AGBL4: variants seen among roughly 807,000 people sequenced by gnomAD.
The protein encoded by AGBL4 is cytosolic carboxypeptidase 6.
AGBL4 carries 58 observed loss-of-function variants against 66.4 expected under a neutral mutation model. The ratio of observed to expected loss-of-function variants is 0.87; its 90% CI spans 0.71 to 1.09. The LOEUF (loss-of-function observed/expected upper bound fraction) is 1.09, where lower values mean the gene tolerates loss of function less well. Among genes scored for constraint, AGBL4 ranks in the 50% least tolerant of loss-of-function variants. The pLI is 0.00. For synonymous variants in AGBL4, 234 were observed against 222.9 expected (o/e 1.05, Z -0.44); for missense variants, 579 against 631.0 (o/e 0.92, Z 0.88).
intron 1 of AGBL4, among the ~76,000 whole-genome samples, chr1:49,921,179 T>C (rs959250045): frequency 1.3e-5 from 2 of 151,966 alleles, no homozygotes; most frequent in East Asian, 3.9e-4. Context: ...ACATGGCACA[T>C]GTATACATAT....
intron 3 of AGBL4, among the ~76,000 whole-genome samples, chr1:49,622,607 C>T (rs112967719): frequency 1.9e-5 from 2 of 104,974 alleles, no homozygotes; most frequent in African/African-American, 3.8e-5. Flanking sequence ...CCAGCCTGGG[C>T]GACAGAGCGA....
intron 4 of AGBL4, among the ~76,000 whole-genome samples, chr1:49,080,094 G>A (rs1258002197): frequency 6.6e-6 from 1 of 152,090 alleles, no homozygotes; most frequent in Admixed American, 6.5e-5. Flanking sequence ...GAGATGATAG[G>A]ACTTGCCTAA....
rs577923595 is a variant in AGBL4, at chr1:49,816,263, T to G, written c.157+35133A>C. ...TAATACCATCATAATTAGAGTATGCTTTCAGGATTCAGAACTGGATCAGAA... is the reference window on the plus strand; with the variant it reads ...TAATACCATCATAATTAGAGTATGCGTTCAGGATTCAGAACTGGATCAGAA... On this transcript the variant is annotated intron_variant, in intron 2 of 13. Transcript: ENST00000371839. 2.0e-5 allele frequency among the ~76,000 whole-genome samples: 3 copies of G among 152,248 alleles called. No individual in the cohort carries two copies. In the South Asian group the frequency reaches 6.2e-4, roughly 32 times the overall value.
chr1:48,579,541 C>A (rs1354619841), intron 11 of AGBL4, among the ~76,000 whole-genome samples: 1 of 151,488 alleles, frequency 6.6e-6, no homozygotes, highest in South Asian at 2.1e-4. Context: ...GCGCCCAGCC[C>A]CATATTGTTT....
chr1:49,734,293 GAGAGAGAC>G (rs1451323748), intron 2 of AGBL4, among the ~76,000 whole-genome samples: 7 of 151,676 alleles, frequency 4.6e-5, no homozygotes, highest in African/African-American at 7.3e-5. Context: ...AGGGGAGAGA[GAGAGAGAC>G]AGAGAGACAG....
At chr1:49,944,929 T>A (rs1267895588) in intron 1 of AGBL4, among the ~76,000 whole-genome samples, 2 of 151,518 alleles carry the variant, frequency 1.3e-5, no homozygotes, top group Non-Finnish European at 2.9e-5. Flanking sequence ...CTCTAGAAAG[T>A]CTCAGCAATA....
At chr1:49,100,529 G>A (rs17105504) in intron 4 of AGBL4, among the ~76,000 whole-genome samples, 4,989 of 152,258 alleles carry the variant, frequency 0.033, 240 homozygotes, top group African/African-American at 0.1. Context: ...TGCATAAGAG[G>A]CATGAAGTTC....
chr1:49,472,949 T>C (rs1194995705), intron 3 of AGBL4, among the ~76,000 whole-genome samples: 1 of 152,060 alleles, frequency 6.6e-6, no homozygotes, highest in Admixed American at 6.6e-5. Context: ...ATTAATTCGC[T>C]TAGGATAGTG....
chr1:49,291,902 G>T (rs982982803), intron 3 of AGBL4, among the ~76,000 whole-genome samples: 10 of 152,204 alleles, frequency 6.6e-5, no homozygotes, highest in Admixed American at 6.5e-4. Context: ...CCAAGCCATC[G>T]ATATGGAACT....
chr1:49,667,476 G>A (rs1010586620), intron 3 of AGBL4, among the ~76,000 whole-genome samples: 29 of 151,748 alleles, frequency 1.9e-4, no homozygotes, highest in African/African-American at 7.0e-4. Flanking sequence ...AAATAAAAAA[G>A]CATGTAGATT....
intron 6 of AGBL4, among the ~76,000 whole-genome samples, chr1:48,861,448 T>C (rs1015588596): frequency 6.6e-6 from 1 of 152,030 alleles, no homozygotes; most frequent in Non-Finnish European, 1.5e-5. Flanking sequence ...TAAATTCACA[T>C]CTAGACCCAA....
intron 3 of AGBL4, among the ~76,000 whole-genome samples, chr1:49,391,728 A>AT (rs1246823268): frequency 4.0e-5 from 6 of 151,768 alleles, no homozygotes; most frequent in Non-Finnish European, 7.4e-5. Context: ...CACCCGGCTA[A>AT]TTTTTTGTAT....
chr1:48,549,409 G>A (rs956135010), intron 11 of AGBL4, among the ~76,000 whole-genome samples: 6 of 152,160 alleles, frequency 3.9e-5, no homozygotes, highest in African/African-American at 9.7e-5. Context: ...TCCCATTGCA[G>A]GCAAGTCCAG....
intron 2 of AGBL4, among the ~76,000 whole-genome samples, chr1:49,745,937 T>A (rs1249967863): frequency 6.6e-6 from 1 of 151,984 alleles, no homozygotes; most frequent in East Asian, 1.9e-4. Context: ...CACAATCAGT[T>A]CAGATGAACA....
intron 6 of AGBL4, among the ~76,000 whole-genome samples, chr1:48,811,472 A>G (rs189699950): frequency 1.2e-4 from 18 of 152,322 alleles, no homozygotes; most frequent in African/African-American, 4.3e-4. Flanking sequence ...TAACTGTTTC[A>G]AATTCAAATG....
intron 5 of AGBL4, among the ~76,000 whole-genome samples, chr1:48,958,503 C>G (rs1657684063): frequency 1.3e-5 from 2 of 152,176 alleles, no homozygotes; most frequent in Non-Finnish European, 2.9e-5. Flanking sequence ...TAGGGCTGCC[C>G]CATAAAAACC....
intron 4 of AGBL4, among the ~76,000 whole-genome samples, chr1:49,063,110 G>T (rs1009399141): frequency 2.0e-5 from 3 of 152,098 alleles, no homozygotes; most frequent in Admixed American, 6.5e-5. Context: ...CAGAAGTATA[G>T]GAGGCAAGGA....
At position 48,687,801 on chromosome 1, in the gene AGBL4, T is replaced by C. The variant is rs545434437; in HGVS notation, c.635-24560A>G. Among the ~76,000 whole-genome samples, 372 of 152,314 alleles carry C rather than the reference T, an allele frequency of 2.4e-3. 2 individuals are homozygous for C. Among genetic ancestry groups the C allele is most frequent in the African/African-American group, 8.7e-3 (361 of 41,570 alleles). On this transcript the variant is annotated intron_variant, in intron 6 of 13. Transcript: ENST00000371839. ...CTGGACCAGCACCCTCGGCTGGCACTCCTGCCTTCAGGTCCTGCTCCTGCA... is the reference window on the plus strand; with the variant it reads ...CTGGACCAGCACCCTCGGCTGGCACCCCTGCCTTCAGGTCCTGCTCCTGCA...
At chr1:48,971,071 G>T (rs1658862077) in intron 5 of AGBL4, among the ~76,000 whole-genome samples, 1 of 152,040 alleles carries the variant, frequency 6.6e-6, no homozygotes, top group South Asian at 2.1e-4. Context: ...GTAGATTTGG[G>T]GTGTAACCTC....
Sources: allele counts gnomAD v4.1 joint callset (sites outside exome capture counted in the v4.1 genomes callset), GRCh38; gene constraint gnomAD v4.1.1; transcripts MANE v1.5; gene names NCBI Gene and HGNC (gene_info 2026-07-23, HGNC 2026-07-21).